Variants in FRS2 observed in about 807,000 individuals in gnomAD.
The protein encoded by FRS2 is FGFR signalling adaptor.
FRS2 carries 8 observed loss-of-function variants against 43.9 expected under a neutral mutation model. That is an observed-to-expected ratio of 0.18 (90% CI 0.11 to 0.33). The LOEUF (loss-of-function observed/expected upper bound fraction) is 0.33, where lower values mean the gene tolerates loss of function less well. Ranked by LOEUF, FRS2 falls within the 10% of genes least tolerant of loss-of-function variation. FRS2 has a pLI of 1.00. For synonymous variants in FRS2, 219 were observed against 220.3 expected, an observed-to-expected ratio of 0.99 and a Z score of 0.05; for missense variants, 534 against 627.6, an observed-to-expected ratio of 0.85 and a Z score of 1.59.
Position 69,570,528 on chromosome 12 carries a change from TG to T in FRS2, c.253+12del. The T allele has an allele frequency of 1.3e-6, 2 of 1,545,062 alleles. No homozygotes were observed. Among genetic ancestry groups the T allele is most frequent in the African/African-American group, 2.7e-5 (2 of 73,114 alleles). On this transcript the variant is annotated intron_variant, in intron 6 of 8. Transcript: ENST00000549921. Reference sequence around the variant, plus strand: ...GTCAAACTGGACAAGGTAGAACCTTTGTTTTTTTTCCCAAATATTGTATTTG... The same window carrying T: ...GTCAAACTGGACAAGGTAGAACCTTTTTTTTTTTCCCAAATATTGTATTTG...
At chr12:69,479,042 A>C (rs771718887) in intron 1 of FRS2, among the ~76,000 whole-genome samples, 68 of 151,702 alleles carry the variant, frequency 4.5e-4, no homozygotes, top group Non-Finnish European at 4.9e-4. Flanking sequence ...CCAACAAATG[A>C]GATACTTTTG....
intron 1 of FRS2, among the ~76,000 whole-genome samples, chr12:69,499,936 A>G (rs527994023): frequency 1.2e-4 from 19 of 152,134 alleles, no homozygotes; most frequent in Non-Finnish European, 2.5e-4. Context: ...TGAGTTTAAA[A>G]TGGCCACAAT....
At chr12:69,541,628 C>A (rs1368968681) in intron 3 of FRS2, among the ~76,000 whole-genome samples, 1 of 151,868 alleles carries the variant, frequency 6.6e-6, no homozygotes, top group African/African-American at 2.4e-5. Flanking sequence ...GAGTTTGAGA[C>A]CAGCCTGGCA....
Position 69,576,650 on chromosome 12 carries a change from A to C in FRS2, c.*1695A>C, listed in dbSNP as rs963547460. 1 of 152,248 alleles carries C rather than the reference A, an allele frequency of 6.6e-6. No individual in the cohort carries two copies. The highest frequency in any genetic ancestry group is 2.4e-5 in the African/African-American group (1 of 41,464). 9.4% of individuals were successfully genotyped at this position (152,248 alleles called of 1,614,324 possible). ...TAACCGAATCATAGGACAATGATGG[A>C]TTAGGAGAACAATAGAGTGGGATCA... On this transcript the variant is annotated 3_prime_UTR_variant, in exon 9 of 9. Coordinates refer to ENST00000549921, the MANE Select transcript of FRS2 (RefSeq NM_001278356.2).
intron 1 of FRS2, among the ~76,000 whole-genome samples, chr12:69,501,527 GT>G (rs1273153706): frequency 6.6e-6 from 1 of 152,162 alleles, no homozygotes; most frequent in South Asian, 2.1e-4. Context: ...TCAGTAGAAG[GT>G]ATAATTGTTA....
chr12:69,561,593 T>TGTCACTGTAA (rs1879882840), intron 3 of FRS2, among the ~76,000 whole-genome samples: 1 of 152,194 alleles, frequency 6.6e-6, no homozygotes, highest in South Asian at 2.1e-4. Context: ...TGGACTGTAA[T>TGTCACTGTAA]TTATCACTGT....
chr12:69,545,111 C>T (rs1336627281), intron 3 of FRS2, among the ~76,000 whole-genome samples: 2 of 151,960 alleles, frequency 1.3e-5, no homozygotes, highest in Non-Finnish European at 2.9e-5. Flanking sequence ...AAGATTTTTA[C>T]AATGAAAACT....
chr12:69,558,535 C>T (rs1396004865), intron 3 of FRS2, among the ~76,000 whole-genome samples: 4 of 152,104 alleles, frequency 2.6e-5, no homozygotes, highest in African/African-American at 7.2e-5. Flanking sequence ...TGGAGGAGGC[C>T]GTGTTGTTTT....
chr12:69,503,380 A>G (rs1873636918), intron 1 of FRS2, among the ~76,000 whole-genome samples: 1 of 152,068 alleles, frequency 6.6e-6, no homozygotes, highest in Admixed American at 6.5e-5. Context: ...GGATAATCCC[A>G]TTTTCTTAAA....
At chr12:69,543,537 C>T (rs117451369) in intron 3 of FRS2, among the ~76,000 whole-genome samples, 2 of 152,158 alleles carry the variant, frequency 1.3e-5, no homozygotes, top group East Asian at 3.9e-4. Flanking sequence ...TGTAGTATGC[C>T]ACTTGGTGGT....
At chr12:69,492,261 CAA>C (rs1872550820) in intron 1 of FRS2, among the ~76,000 whole-genome samples, 1 of 151,800 alleles carries the variant, frequency 6.6e-6, no homozygotes, top group Admixed American at 6.6e-5. Context: ...TGAAATAAGA[CAA>C]AGAAACAAAA....
At chr12:69,539,568 G>A (rs1274627726) in intron 3 of FRS2, among the ~76,000 whole-genome samples, 1 of 152,090 alleles carries the variant, frequency 6.6e-6, no homozygotes, top group Non-Finnish European at 1.5e-5. Context: ...TTTTCCACCT[G>A]TGGTGTCATG....
chr12:69,536,653 C>T (rs1376400595), intron 3 of FRS2, among the ~76,000 whole-genome samples: 1 of 151,406 alleles, frequency 6.6e-6, no homozygotes, highest in Non-Finnish European at 1.5e-5. Context: ...GATCCTTTAG[C>T]CTCGATCTGC....
At position 69,567,752 on chromosome 12, in the gene FRS2, G is replaced by A. The variant is rs3759201; in HGVS notation, c.-26-1253G>A. 0.035 allele frequency among the ~76,000 whole-genome samples: 5,291 copies of A among 152,264 alleles called. 425 individuals carry two copies. The East Asian group carries it at 0.37, about 11-fold the overall frequency. ...AAAGGAAAGAAGCAGAAAGGGAGCAGCTTGGAAGGATGTGAGAGACCAGGA... is the reference window on the plus strand; with the variant it reads ...AAAGGAAAGAAGCAGAAAGGGAGCAACTTGGAAGGATGTGAGAGACCAGGA... On this transcript the variant is annotated intron_variant, in intron 4 of 8. Transcript: ENST00000549921.
At chr12:69,516,113 A>T (rs1317106902) in intron 1 of FRS2, among the ~76,000 whole-genome samples, 1 of 152,012 alleles carries the variant, frequency 6.6e-6, no homozygotes, top group Non-Finnish European at 1.5e-5. Context: ...TATACTTCCC[A>T]AACAGTATTT....
rs1309179783 is a variant in FRS2, at chr12:69,578,302, G to A, written c.*3347G>A. On this transcript the variant is annotated 3_prime_UTR_variant, in exon 9 of 9. Transcript: ENST00000549921. The stretch of plus-strand genomic sequence containing the variant: ...GGCATCTCATTCATATTTCTGATGT[G>A]TGAGGTATATGGTACTAATTACCTT... 1.3e-5 allele frequency: 2 copies of A among 152,508 alleles called. No individual in the cohort carries two copies. Among genetic ancestry groups the A allele is most frequent in the East Asian group, 3.9e-4 (2 of 5,194 alleles). 9.4% of individuals were successfully genotyped at this position (152,508 alleles called of 1,614,324 possible).
chr12:69,556,091 A>G (rs753276294), intron 3 of FRS2, among the ~76,000 whole-genome samples: 18 of 151,570 alleles, frequency 1.2e-4, no homozygotes, highest in Non-Finnish European at 2.4e-4. Context: ...ATTAGAGATG[A>G]TGTCCTGCTA....
chr12:69,555,030 A>T (rs1483392938), intron 3 of FRS2, among the ~76,000 whole-genome samples: 2 of 149,260 alleles, frequency 1.3e-5, no homozygotes, highest in Admixed American at 1.3e-4. Flanking sequence ...TTTTAATAAT[A>T]TTTTTTTTTA....
At chr12:69,545,347 G>A in intron 3 of FRS2, among the ~76,000 whole-genome samples, 1 of 152,124 alleles carries the variant, frequency 6.6e-6, no homozygotes, top group East Asian at 1.9e-4. Context: ...AAAAGAAGAA[G>A]AAAGCTGGTG....
Sources: gnomAD v4.1 joint callset for allele counts (sites outside exome capture counted in the v4.1 genomes callset) on GRCh38, gnomAD v4.1.1 for gene constraint, MANE v1.5 for transcripts, NCBI Gene and HGNC (gene_info 2026-07-23, HGNC 2026-07-21) for gene names.